Variants in TEX13A observed in about 807,000 individuals in gnomAD.
TEX13A encodes testis expressed 13A.
In TEX13A, 8 loss-of-function variants were observed where a neutral mutation model predicts 7.1. That is an observed-to-expected ratio of 1.12 (90% CI 0.66 to 2.03). The LOEUF (loss-of-function observed/expected upper bound fraction) is 2.03, where lower values mean the gene tolerates loss of function less well. Ranked by LOEUF, TEX13A falls within the 30% of genes most tolerant of loss-of-function variation. The pLI, the probability that TEX13A is intolerant of heterozygous loss-of-function variation, is 0.00. For synonymous variants in TEX13A, 151 were observed against 134.2 expected, an observed-to-expected ratio of 1.13 and a Z score of -0.87; for missense variants, 362 against 332.2, an observed-to-expected ratio of 1.09 and a Z score of -0.70.
Position 105,220,068 on chromosome X carries a change from G to T in TEX13A, c.330C>A (p.Asp110Glu). ...CCTGCTGCTCCCTGAGCTTCTTCAG[G>T]TCTGATGCCAAGGCCTGTGCGGCTG... ...HKSAAQALAS[D>E]LKKLREQQET... The change falls in exon 2 of 3, where the codon GAC (aspartate) becomes GAA (glutamate). Residue 110 changes from aspartate to glutamate, a missense_variant. Coordinates refer to ENST00000600991, the MANE Select transcript of TEX13A (RefSeq NM_031274.5). 1 of 1,211,583 alleles carries T rather than the reference G, an allele frequency of 8.3e-7. No individual in the cohort carries two copies. Among genetic ancestry groups the T allele is most frequent in the Non-Finnish European group, 1.1e-6 (1 of 895,316 alleles).
At position 105,220,311 on chromosome X, in the gene TEX13A, C is replaced by A; in HGVS notation, c.87G>T (p.Thr29=). ...TCTCAAGATAGAACTCGGGGCCTTT[C>A]GTGTGCCTGGCCATTTTCTCGTTGA... ...AFINEKMARH[T]KGPEFYLENI... is the part of the protein sequence containing the mutation. Residue 29 remains threonine, a synonymous_variant, in exon 2 of 3, where the codon ACG becomes ACT. Coordinates refer to ENST00000600991, the MANE Select transcript of TEX13A (RefSeq NM_031274.5). The A allele has an allele frequency of 2.5e-6, 3 of 1,210,246 alleles. No homozygotes were observed. Among genetic ancestry groups the A allele is most frequent in the Non-Finnish European group, 3.4e-6 (3 of 894,610 alleles).
In TEX13A at chrX:105,220,204, T is replaced by C; in HGVS notation, c.194A>G (p.Glu65Gly). 8.3e-7 allele frequency: 1 copy of C among 1,211,662 alleles called. No homozygotes were observed. The highest frequency in any genetic ancestry group is 1.1e-6 in the Non-Finnish European group (1 of 895,329). The change falls in exon 2 of 3, where the codon GAG (glutamate) becomes GGG (glycine). Residue 65 changes from glutamate (E) to glycine (G), a missense_variant. By Grantham distance (98) the Glu-to-Gly change is moderately conservative (BLOSUM62 -2). Coordinates refer to ENST00000600991, the MANE Select transcript of TEX13A (RefSeq NM_031274.5). ...GGCCAGGCTGCCCCAGGTGCAGGCC[T>C]CTTTGACCTCACTGGGCACCTCGCT... is the stretch of plus-strand genomic sequence containing the variant. ...EDSEVPSEVK[E>G]ACTWGSLALG...
At position 105,219,593 on chromosome X, in the gene TEX13A, C is replaced by G; in HGVS notation, c.601G>C (p.Glu201Gln). The change falls in exon 3 of 3, where the codon GAG (glutamate) becomes CAG (glutamine). Residue 201 changes from glutamate to glutamine, a missense_variant. Transcript: ENST00000600991. Reference protein sequence around the residue: ...KGAEEEQRDVEVVAAPVEAMA... With the variant: ...KGAEEEQRDVQVVAAPVEAMA... ...GCCTCCACAGGGGCAGCCACAACCT[C>G]CACATCCCTCTGCTCTTCTTCTGCT... is the stretch of plus-strand genomic sequence containing the variant. 8.3e-7 allele frequency: 1 copy of G among 1,210,329 alleles called. No individual in the cohort carries two copies. Among genetic ancestry groups the G allele is most frequent in the Non-Finnish European group, 1.1e-6 (1 of 895,327 alleles).
rs185036348 is a variant in TEX13A, at chrX:105,218,940, C to T, written c.*24G>A. 1,177 of 1,175,464 alleles carry T rather than the reference C, an allele frequency of 1.0e-3. 9 individuals carry two copies. The African/African-American group carries it at 0.019, about 19-fold the overall frequency. On this transcript the variant is annotated 3_prime_UTR_variant, in exon 3 of 3. Coordinates refer to ENST00000600991, the MANE Select transcript of TEX13A (RefSeq NM_031274.5). Reference sequence around the variant, plus strand: ...ATTCGCCATCGAGATATACATGCTTCGGTTCTATTTTGCATTTCTGCACTC... The same window carrying T: ...ATTCGCCATCGAGATATACATGCTTTGGTTCTATTTTGCATTTCTGCACTC...
chrX:105,219,301 G>A lies in TEX13A; in HGVS notation c.893C>T (p.Ala298Val), dbSNP rs1253042395. 4.1e-6 allele frequency: 5 copies of A among 1,208,130 alleles called. No homozygotes were observed. Among genetic ancestry groups the A allele is most frequent in the Non-Finnish European group, 5.6e-6 (5 of 893,937 alleles). ...SSEPLPVQLP[A>V]SYSYSYSSPF... Reference sequence around the variant, plus strand: ...GCTTGAGTATGAGTATGAGTATGAGGCAGGGAGCTGGACAGGAAGAGGTTC... The same window carrying A: ...GCTTGAGTATGAGTATGAGTATGAGACAGGGAGCTGGACAGGAAGAGGTTC... The change falls in exon 3 of 3, where the codon GCC (alanine) becomes GTC (valine). Residue 298 changes from alanine (A) to valine (V), a missense_variant. Coordinates refer to ENST00000600991, the MANE Select transcript of TEX13A (RefSeq NM_031274.5).
Position 105,220,032 on chromosome X carries a change from G to C in TEX13A, c.366C>G (p.Arg122=). ...KKLREQQETE[R]KEAASRLRMA... ...TTCTTAGCCGGGAGGCCGCCTCCTT[G>C]CGTTCCGTCTCCTGCTGCTCCCTGA... The change falls in exon 2 of 3, where the codon CGC becomes CGG. Residue 122 remains arginine (R), a synonymous_variant. Transcript: ENST00000600991. 1 of 1,211,354 alleles carries C rather than the reference G, an allele frequency of 8.3e-7. No individual in the cohort carries two copies. The highest frequency in any genetic ancestry group is 1.8e-5 in the South Asian group (1 of 57,046).
intron 2 of TEX13A, 74 bp from the exon 3 acceptor site, chrX:105,219,832 T>C: frequency 9.1e-7 from 1 of 1,094,597 alleles, no homozygotes; most frequent in Non-Finnish European, 1.2e-6. Context: ...AGGACGGAGC[T>C]ACCAGGTGGG....
chrX:105,219,507 C>G lies in TEX13A; in HGVS notation c.687G>C (p.Glu229Asp), dbSNP rs781880944. ...APMETQFPHV[E>D]ARAASMETTE... ...TGGTCTCCATGGAGGCAGCCCTGGC[C>G]TCCACGTGGGGGAACTGGGTCTCCA... Residue 229 changes from glutamate (E) to aspartate (D), a missense_variant, in exon 3 of 3, where the codon GAG (glutamate) becomes GAC (aspartate). Glu to Asp is a conservative substitution (Grantham distance 45). Coordinates refer to ENST00000600991, the MANE Select transcript of TEX13A (RefSeq NM_031274.5). 5.7e-5 allele frequency: 69 copies of G among 1,207,466 alleles called. No individual in the cohort carries two copies. The South Asian group carries it at 1.1e-3, about 19-fold the overall frequency.
In TEX13A at chrX:105,220,279, G is replaced by A. The variant is rs2033943107; in HGVS notation, c.119C>T (p.Ser40Phe). The A allele has an allele frequency of 2.5e-6, 3 of 1,211,240 alleles. No homozygotes were observed. The highest frequency in any genetic ancestry group is 3.4e-6 in the Non-Finnish European group (3 of 895,257). The change falls in exon 2 of 3, where the codon TCC becomes TTC. Residue 40 changes from serine (S) to phenylalanine (F), a missense_variant. Physicochemically the swap from Ser to Phe is radical, Grantham distance 155. Transcript: ENST00000600991. ...GTCTTCCACCTTCTCCCAGGATAAG[G>A]ATATATTCTCAAGATAGAACTCGGG... ...KGPEFYLENI[S>F]LSWEKVEDKL... is the part of the protein sequence containing the mutation.
chrX:105,219,916 A>T (rs782672530), intron 2 of TEX13A, 47 bp downstream of exon 2: 1 of 1,131,297 alleles, frequency 8.8e-7, no homozygotes, highest in Non-Finnish European at 1.2e-6. Flanking sequence ...GGTACTGGGC[A>T]GGGACCAGTT....
chrX:105,219,827 G>A lies in TEX13A; in HGVS notation c.436-69C>T, dbSNP rs113905565. The A allele has an allele frequency of 0.011, 12,322 of 1,095,236 alleles. 832 individuals are homozygous for A. In the African/African-American group the frequency reaches 0.2, roughly 18 times the overall value. 90.3% of individuals were successfully genotyped at this position (1,095,236 alleles called of 1,213,427 possible). A position where few individuals can be genotyped will look rare whatever the true frequency, so the allele number is the denominator to read the frequency against. ...GCGGGAGCACTAAGCAGGGTAGGACGGAGCTACCAGGTGGGAAGGGCGGGG... is the reference window on the plus strand; with the variant it reads ...GCGGGAGCACTAAGCAGGGTAGGACAGAGCTACCAGGTGGGAAGGGCGGGG... On this transcript the variant is annotated intron_variant, in intron 2 of 2. Transcript: ENST00000600991.
Position 105,219,301 on chromosome X carries a change from G to T in TEX13A, c.893C>A (p.Ala298Asp), listed in dbSNP as rs1253042395. The part of the protein sequence containing the change: ...SSEPLPVQLP[A>D]SYSYSYSSPF... Reference sequence around the variant, plus strand: ...GCTTGAGTATGAGTATGAGTATGAGGCAGGGAGCTGGACAGGAAGAGGTTC... The same window carrying T: ...GCTTGAGTATGAGTATGAGTATGAGTCAGGGAGCTGGACAGGAAGAGGTTC... Residue 298 changes from alanine (A) to aspartate (D), a missense_variant, in exon 3 of 3, where the codon GCC becomes GAC. By Grantham distance (126) the Ala-to-Asp change is moderately radical. Coordinates refer to ENST00000600991, the MANE Select transcript of TEX13A (RefSeq NM_031274.5). 1.7e-6 allele frequency: 2 copies of T among 1,210,242 alleles called. No individual in the cohort carries two copies. Among genetic ancestry groups the T allele is most frequent in the Non-Finnish European group, 2.2e-6 (2 of 894,310 alleles).
rs781954825 is a variant in TEX13A, at chrX:105,220,167, G to C, written c.231C>G (p.Arg77=). The change falls in exon 2 of 3, where the codon CGC becomes CGG. Residue 77 remains arginine, a synonymous_variant. Coordinates refer to ENST00000600991, the MANE Select transcript of TEX13A (RefSeq NM_031274.5). ...CTWGSLALGV[R]FAHRQAQLQR... The stretch of plus-strand genomic sequence containing the variant: ...GTAGCTGTGCCTGCCTGTGGGCAAA[G>C]CGCACTCCCAAGGCCAGGCTGCCCC... 33 of 1,211,725 alleles carry C rather than the reference G, an allele frequency of 2.7e-5. No homozygotes were observed. Among genetic ancestry groups the C allele is most frequent in the Admixed American group, 4.3e-5 (2 of 46,130 alleles).
rs1333322505 is a variant in TEX13A at position 105,220,353 on chromosome X, G to T, written c.45C>A (p.Ser15Arg). 10 of 1,200,944 alleles carry T rather than the reference G, an allele frequency of 8.3e-6. No homozygotes were observed. The highest frequency in any genetic ancestry group is 3.6e-5 in the South Asian group (2 of 55,219). Residue 15 changes from serine to arginine, a missense_variant, in exon 2 of 3, where the codon AGC (serine) becomes AGA (arginine). By Grantham distance (110) the Ser-to-Arg change is moderately radical. Coordinates refer to ENST00000600991, the MANE Select transcript of TEX13A (RefSeq NM_031274.5). The stretch of plus-strand genomic sequence containing the variant: ...TCTCGTTGATGAAGGCCACCACGTT[G>T]CTATGCCGGAACCCGCTACTGGGGT... ...PEDPSSGFRHSNVVAFINEKM... is the reference protein window; with the variant it reads ...PEDPSSGFRHRNVVAFINEKM...
Position 105,218,989 on chromosome X carries a change from C to T in TEX13A, c.1205G>A (p.Gly402Glu), listed in dbSNP as rs782606691. The change falls in exon 3 of 3, where the codon GGA becomes GAA. Residue 402 changes from glycine (G) to glutamate (E), a missense_variant. Gly to Glu is a moderately conservative substitution (Grantham distance 98). Transcript: ENST00000600991. The part of the protein sequence containing the change: ...RRDTCFDCGK[G>E]IWLQKPH ...TCAATGAGGTTTTTGCAGCCAGATT[C>T]CCTTCCCACAGTCGAAGCAAGTATC... 8.3e-6 allele frequency: 10 copies of T among 1,207,566 alleles called. No homozygotes were observed. The African/African-American group carries it at 1.6e-4, about 19-fold the overall frequency.
rs992954982 is a variant in TEX13A, at chrX:105,220,016, G to A, written c.382C>T (p.Arg128Trp). 6.6e-6 allele frequency: 8 copies of A among 1,209,381 alleles called. No homozygotes were observed. Among genetic ancestry groups the A allele is most frequent in the South Asian group, 1.8e-5 (1 of 56,832 alleles). The part of the protein sequence containing the change: ...QETERKEAAS[R>W]LRMAQTSLVE... ...AGGCTGGTCTGGGCCATTCTTAGCC[G>A]GGAGGCCGCCTCCTTGCGTTCCGTC... is the stretch of plus-strand genomic sequence containing the variant. Residue 128 changes from arginine (R) to tryptophan (W), a missense_variant, in exon 2 of 3, where the codon CGG becomes TGG. Arg to Trp is a moderately radical substitution (Grantham distance 101). Coordinates refer to ENST00000600991, the MANE Select transcript of TEX13A (RefSeq NM_031274.5).
rs1556172173 is a variant in TEX13A, at chrX:105,219,035, C to T, written c.1159G>A (p.Ala387Thr). Residue 387 changes from alanine to threonine, a missense_variant, in exon 3 of 3, where the codon GCT becomes ACT. Transcript: ENST00000600991. ...GTATCCCTCCGTGAAAAATTCACAG[C>T]GTTACACCAAGGGCAGTCCCAGTCC... is the stretch of plus-strand genomic sequence containing the variant. ...PGDWDCPWCNAVNFSRRDTCF... is the reference protein window; with the variant it reads ...PGDWDCPWCNTVNFSRRDTCF... The T allele has an allele frequency of 4.1e-6, 5 of 1,209,432 alleles. No individual in the cohort carries two copies. The highest frequency in any genetic ancestry group is 3.5e-5 in the African/African-American group (2 of 56,949).
chrX:105,219,722 C>T lies in TEX13A; in HGVS notation c.472G>A (p.Gly158Arg). The T allele has an allele frequency of 8.3e-7, 1 of 1,207,231 alleles. No individual in the cohort carries two copies. The highest frequency in any genetic ancestry group is 1.1e-6 in the Non-Finnish European group (1 of 894,770). The change falls in exon 3 of 3, where the codon GGG becomes AGG. Residue 158 changes from glycine (G) to arginine (R), a missense_variant. Transcript: ENST00000600991. ...CCGGCAGTGGCCAGGCCTGGCCACC[C>T]TGCCCCCTGCTCCCACTCATGGGGA... ...VSPHEWEQGA[G>R]WPGLATAGGV... is the part of the protein sequence containing the mutation.
At position 105,219,525 on chromosome X, in the gene TEX13A, G is replaced by C; in HGVS notation, c.669C>G (p.Thr223=). The C allele has an allele frequency of 1.7e-6, 2 of 1,209,140 alleles. No individual in the cohort carries two copies. The highest frequency in any genetic ancestry group is 1.1e-6 in the Non-Finnish European group (1 of 895,129). The change falls in exon 3 of 3, where the codon ACC becomes ACG. Residue 223 remains threonine (T), a synonymous_variant. Transcript: ENST00000600991. ...PVEAGAAPME[T]QFPHVEARAA... ...CCCTGGCCTCCACGTGGGGGAACTGGGTCTCCATGGGGGCAGCCCCAGCCT... is the reference window on the plus strand; with the variant it reads ...CCCTGGCCTCCACGTGGGGGAACTGCGTCTCCATGGGGGCAGCCCCAGCCT...
Sources: gnomAD v4.1 joint callset for allele counts on GRCh38, gnomAD v4.1.1 for gene constraint, MANE v1.5 for transcripts, NCBI Gene and HGNC (gene_info 2026-07-23, HGNC 2026-07-21) for gene names.